Variants in ATP8A2 observed in about 807,000 individuals in gnomAD.
The protein encoded by ATP8A2 is ATPase phospholipid transporting 8A2.
A neutral mutation model predicts 165.6 loss-of-function variants in ATP8A2; 100 were observed. The ratio of observed to expected loss-of-function variants is 0.60; its 90% CI spans 0.51 to 0.71. The LOEUF (loss-of-function observed/expected upper bound fraction) is 0.71. ATP8A2 is among the 30% of genes least tolerant of loss of function. The probability of loss-of-function intolerance (pLI) is 0.00; values close to 1 mark genes in which losing one functional copy is unlikely to be tolerated. For missense variants in ATP8A2, 1,227 were observed against 1,479.5 expected, an observed-to-expected ratio of 0.83 and a Z score of 2.80; for synonymous variants, 543 against 548.8, an observed-to-expected ratio of 0.99 and a Z score of 0.15.
chr13:25,474,283 C>G (rs1162313794), intron 2 of ATP8A2, among the ~76,000 whole-genome samples: 1 of 152,182 alleles, frequency 6.6e-6, no homozygotes. Context: ...TTTACAGGGC[C>G]AGGCGCAGTG....
intron 1 of ATP8A2, 38 bp from the exon 2 acceptor site, chr13:25,468,938 CT>C: frequency 6.2e-7 from 1 of 1,604,220 alleles, no homozygotes; most frequent in Non-Finnish European, 8.5e-7. Context: ...CGGTTGACTT[CT>C]TTGTGTCGTA....
At chr13:25,388,090 G>C (rs2033119911) in intron 1 of ATP8A2, among the ~76,000 whole-genome samples, 1 of 151,508 alleles carries the variant, frequency 6.6e-6, no homozygotes, top group African/African-American at 2.4e-5. Context: ...CTTTACTAGT[G>C]TTTTCAGTTA....
intron 24 of ATP8A2, among the ~76,000 whole-genome samples, chr13:25,643,452 A>G (rs1284000595): frequency 6.6e-6 from 1 of 152,068 alleles, no homozygotes; most frequent in Non-Finnish European, 1.5e-5. Flanking sequence ...TACCATTTAT[A>G]TATGGTAAGA....
intron 1 of ATP8A2, among the ~76,000 whole-genome samples, chr13:25,457,437 A>C: frequency 6.6e-6 from 1 of 152,236 alleles, no homozygotes; most frequent in East Asian, 1.9e-4. Context: ...TGATTCTTAT[A>C]GTAACAAAAA....
At chr13:25,935,132 C>G (rs549433251) in intron 33 of ATP8A2, among the ~76,000 whole-genome samples, 1 of 152,332 alleles carries the variant, frequency 6.6e-6, no homozygotes, top group African/African-American at 2.4e-5. Flanking sequence ...TAAACTCAGG[C>G]TTATGGAAAT....
At chr13:25,869,740 G>T (rs528506253) in intron 33 of ATP8A2, among the ~76,000 whole-genome samples, 25 of 152,268 alleles carry the variant, frequency 1.6e-4, no homozygotes, top group African/African-American at 5.8e-4. Context: ...CTTCTTCAGC[G>T]CCCCGCTGCT....
At chr13:25,418,110 G>A (rs1254589038) in intron 1 of ATP8A2, among the ~76,000 whole-genome samples, 1 of 152,124 alleles carries the variant, frequency 6.6e-6, no homozygotes, top group Non-Finnish European at 1.5e-5. Flanking sequence ...GCTTCAGGAA[G>A]CCCATTAATT....
At chr13:25,857,083 T>G (rs1952187144) in intron 30 of ATP8A2, among the ~76,000 whole-genome samples, 1 of 152,226 alleles carries the variant, frequency 6.6e-6, no homozygotes, top group South Asian at 2.1e-4. Flanking sequence ...AGCTCTTTGC[T>G]GTGGTCCACA....
chr13:25,634,264 C>T (rs1280796968), intron 24 of ATP8A2, among the ~76,000 whole-genome samples: 1 of 152,122 alleles, frequency 6.6e-6, no homozygotes, highest in Non-Finnish European at 1.5e-5. Context: ...GGGACCGAAG[C>T]TACAATTGGG....
At chr13:25,413,429 C>T (rs183228076) in intron 1 of ATP8A2, among the ~76,000 whole-genome samples, 1 of 151,280 alleles carries the variant, frequency 6.6e-6, no homozygotes, top group Non-Finnish European at 1.5e-5. Flanking sequence ...TTACAGGCGC[C>T]CACCCCCACA....
intron 25 of ATP8A2, among the ~76,000 whole-genome samples, chr13:25,720,228 T>G (rs3117855): frequency 0.19 from 28,164 of 144,544 alleles, 3,895 homozygotes; most frequent in African/African-American, 0.41. Flanking sequence ...ACTGCAGTGG[T>G]GCAATCTCGG....
At chr13:25,453,608 G>A (rs778353283) in intron 1 of ATP8A2, among the ~76,000 whole-genome samples, 1 of 152,062 alleles carries the variant, frequency 6.6e-6, no homozygotes, top group East Asian at 1.9e-4. Flanking sequence ...TCCTCTATTC[G>A]TCCCTAATCT....
At chr13:25,577,044 G>T in intron 19 of ATP8A2, 25 bp from the exon 20 acceptor site, 1 of 1,583,010 alleles carries the variant, frequency 6.3e-7, no homozygotes, top group East Asian at 2.2e-5. Context: ...GACCAATGAT[G>T]ACTTTTTTTT....
chr13:25,807,108 A>T (rs939760770), intron 27 of ATP8A2, among the ~76,000 whole-genome samples: 9 of 149,002 alleles, frequency 6.0e-5, no homozygotes, highest in Non-Finnish European at 1.3e-4. Context: ...TTATTTGTAA[A>T]TATTTTATCC....
At chr13:25,649,095 C>A in intron 24 of ATP8A2, 1 of 475,406 alleles carries the variant, frequency 2.1e-6, no homozygotes, top group Non-Finnish European at 4.2e-6. Context: ...TGTGTCCTTG[C>A]GTTGGTGTTT....
At chr13:25,561,445 C>T (rs1321876991) in intron 15 of ATP8A2, among the ~76,000 whole-genome samples, 1 of 152,006 alleles carries the variant, frequency 6.6e-6, no homozygotes, top group East Asian at 1.9e-4. Flanking sequence ...TGTGTGATCT[C>T]ACTTTCAGTT....
At chr13:25,924,186 C>G (rs1040155620) in intron 33 of ATP8A2, among the ~76,000 whole-genome samples, 1 of 152,200 alleles carries the variant, frequency 6.6e-6, no homozygotes, top group Non-Finnish European at 1.5e-5. Flanking sequence ...ACAATTAATG[C>G]AGTGGTCACA....
At chr13:25,988,569 T>C (rs1389647950) in intron 35 of ATP8A2, among the ~76,000 whole-genome samples, 2 of 152,166 alleles carry the variant, frequency 1.3e-5, no homozygotes, top group African/African-American at 4.8e-5. Context: ...TGGGATGAAG[T>C]GGGAGAAGGA....
chr13:25,687,489 C>G (rs1198840599), intron 24 of ATP8A2, among the ~76,000 whole-genome samples: 1 of 78 alleles, frequency 0.013, no homozygotes, highest in Non-Finnish European at 0.028. Context: ...GAGAAGCTTC[C>G]TGATCCCCCA....
Sources: gnomAD v4.1 joint callset for allele counts (sites outside exome capture counted in the v4.1 genomes callset) on GRCh38, gnomAD v4.1.1 for gene constraint, MANE v1.5 for transcripts, NCBI Gene and HGNC (gene_info 2026-07-23, HGNC 2026-07-21) for gene names.